PRDM1: variants seen among roughly 807,000 people sequenced by gnomAD.
PRDM1 encodes the protein PR domain zinc finger protein 1.
PRDM1 carries 13 observed loss-of-function variants against 62.8 expected under a neutral mutation model. The observed-to-expected ratio is 0.21, with a 90% confidence interval of 0.13 to 0.33. The LOEUF (loss-of-function observed/expected upper bound fraction) is 0.33, where lower values mean the gene tolerates loss of function less well. Among genes scored for constraint, PRDM1 ranks in the 10% least tolerant of loss-of-function variants. PRDM1 has a pLI of 1.00. For synonymous variants in PRDM1, 396 were observed against 417.6 expected (o/e 0.95, Z 0.63); for missense variants, 895 against 1,058.8 (o/e 0.85, Z 2.15).
intron 1 of PRDM1, among the ~76,000 whole-genome samples, chr6:105,995,098 T>C (rs181651428): frequency 3.3e-5 from 5 of 152,336 alleles, no homozygotes; most frequent in Admixed American, 2.6e-4. Flanking sequence ...TGCGAGCTTT[T>C]GGCCAGCCTC....
intron 1 of PRDM1, among the ~76,000 whole-genome samples, chr6:106,033,036 G>A (rs1273703610): frequency 6.6e-6 from 1 of 150,644 alleles, no homozygotes; most frequent in Non-Finnish European, 1.5e-5. Flanking sequence ...TAGAGACATA[G>A]AAATAATGGG....
intron 1 of PRDM1, among the ~76,000 whole-genome samples, chr6:106,021,116 C>T (rs1167530959): frequency 1.3e-5 from 2 of 152,262 alleles, no homozygotes; most frequent in Admixed American, 1.3e-4. Context: ...TTAAGAAAAA[C>T]ACAAGTGTGT....
At chr6:106,103,180 G>A (rs1199559628) in intron 4 of PRDM1, among the ~76,000 whole-genome samples, 1 of 152,042 alleles carries the variant, frequency 6.6e-6, no homozygotes. Context: ...GTTTATTCTG[G>A]GGCTTCAGGC....
Position 106,009,867 on chromosome 6 carries a change from G to A in PRDM1, c.-67+16228G>A, listed in dbSNP as rs146545311. Among the ~76,000 whole-genome samples the A allele has an allele frequency of 4.8e-3, 726 of 152,188 alleles. 4 individuals are homozygous for A. Among genetic ancestry groups the A allele is most frequent in the Non-Finnish European group, 4.8e-3 (326 of 68,010 alleles). On this transcript the variant is annotated intron_variant, in intron 1 of 6. Transcript: ENST00000652320. Reference sequence around the variant, plus strand: ...TGAGTAGCTGGGATTATAGGCATGCGCCACCACGCCCGGCTAGTTTTTGTG... The same window carrying A: ...TGAGTAGCTGGGATTATAGGCATGCACCACCACGCCCGGCTAGTTTTTGTG...
At chr6:106,086,228 G>A (rs1003620715), upstream of PRDM1, 5 of 373,300 alleles carry the variant, frequency 1.3e-5, no homozygotes, top group African/African-American at 2.1e-5. Flanking sequence ...CAATCTGGGG[G>A]AAAGCCCTGG....
rs1027424040 is a variant in PRDM1 at position 106,086,439 on chromosome 6, C to G, written c.-115C>G. ...CGCCCGGAGCTGGGACGCGGGCGCC[C>G]GGGCGGCCGGACGAAGCGAGGAGGG... On this transcript the variant is annotated 5_prime_UTR_variant, in exon 1 of 7. Coordinates refer to ENST00000369096, the MANE Select transcript of PRDM1 (RefSeq NM_001198.4). 1.4e-5 allele frequency: 14 copies of G among 1,020,714 alleles called. No homozygotes were observed. Among genetic ancestry groups the G allele is most frequent in the Admixed American group, 2.7e-5 (1 of 36,656 alleles). The allele number at this position is 1,020,714 out of a possible 1,614,324, so 63.2% of individuals were successfully genotyped here. A position where few individuals can be genotyped will look rare whatever the true frequency, so the allele number is the denominator to read the frequency against.
In PRDM1 at chr6:106,106,899, C is replaced by A; in HGVS notation, c.1903-12C>A. 1 of 1,607,010 alleles carries A rather than the reference C, an allele frequency of 6.2e-7. No individual in the cohort carries two copies. Among genetic ancestry groups the A allele is most frequent in the Non-Finnish European group, 8.5e-7 (1 of 1,175,368 alleles). On this transcript the variant is annotated splice_polypyrimidine_tract_variant and intron_variant, in intron 6 of 6. Transcript: ENST00000369096. The surrounding 1 kb of genome is among the most constrained non-coding windows in gnomAD (Gnocchi z 4.4). Reference sequence around the variant, plus strand: ...TCTCCCTTCCCTGCTGTCTCTCTCCCCTACACTGTAGGTCTGCCACAAGAG... The same window carrying A: ...TCTCCCTTCCCTGCTGTCTCTCTCCACTACACTGTAGGTCTGCCACAAGAG...
chr6:106,042,007 T>C (rs1179848827), intron 1 of PRDM1, among the ~76,000 whole-genome samples: 2 of 151,074 alleles, frequency 1.3e-5, no homozygotes, highest in African/African-American at 4.8e-5. Context: ...GGGGTTTCAC[T>C]ATATTTCCCA....
At chr6:106,064,736 C>T (rs1334070500) in intron 1 of PRDM1, among the ~76,000 whole-genome samples, 1 of 152,114 alleles carries the variant, frequency 6.6e-6, no homozygotes, top group Non-Finnish European at 1.5e-5. Context: ...CTTACAGATG[C>T]TGAATTAAAG....
At chr6:106,001,189 G>A (rs905813870) in intron 1 of PRDM1, among the ~76,000 whole-genome samples, 1 of 152,146 alleles carries the variant, frequency 6.6e-6, no homozygotes, top group Non-Finnish European at 1.5e-5. Context: ...GCTGTGAATT[G>A]CTTGTTCTTA....
chr6:106,021,697 C>T (rs562122364), intron 1 of PRDM1, among the ~76,000 whole-genome samples: 9 of 152,254 alleles, frequency 5.9e-5, no homozygotes, highest in African/African-American at 1.9e-4. Flanking sequence ...CTTAGCTCAC[C>T]GCAACCTCTG....
At position 106,105,913 on chromosome 6, in the gene PRDM1, G is replaced by A. The variant is rs1281186824; in HGVS notation, c.1753G>A (p.Gly585Ser). 6 of 1,613,050 alleles carry A rather than the reference G, an allele frequency of 3.7e-6. No individual in the cohort carries two copies. In the African/African-American group the frequency reaches 5.3e-5, roughly 14 times the overall value. ...ATGCAACGTTTGCGCCAAGACTTTC[G>A]GCCAGCTCTCCAATCTGAAGGTAGG... ...YECNVCAKTF[G>S]QLSNLKVHLR... The change falls in exon 5 of 7, where the codon GGC becomes AGC. Residue 585 changes from glycine (G) to serine (S), a missense_variant. By Grantham distance (56) the Gly-to-Ser change is moderately conservative. Around this residue, in one of 4 missense-constraint regions of PRDM1, gnomAD observed 74 missense variants for 172.4 expected, o/e 0.43. Coordinates refer to ENST00000369096, the MANE Select transcript of PRDM1 (RefSeq NM_001198.4).
chr6:106,015,629 C>T (rs942295238), intron 1 of PRDM1, among the ~76,000 whole-genome samples: 5 of 150,404 alleles, frequency 3.3e-5, no homozygotes, highest in African/African-American at 4.9e-5. Context: ...GAGACAGGAC[C>T]GAGGGTGGGA....
chr6:106,095,928 T>G (rs1774103356), intron 3 of PRDM1, 194 bp downstream of exon 3: 5 of 600,368 alleles, frequency 8.3e-6, no homozygotes, highest in Non-Finnish European at 1.4e-5. Flanking sequence ...TGTAGGTGGT[T>G]AGTGATGGAG....
chr6:106,105,949 G>T lies in PRDM1; in HGVS notation c.1773+16G>T. On this transcript the variant is annotated intron_variant, in intron 5 of 6. Coordinates refer to ENST00000369096, the MANE Select transcript of PRDM1 (RefSeq NM_001198.4). ...CAATCTGAAGGTAGGCCTTGAGAGA[G>T]AGCAGTCCAAGGGGCTGTGAGTGCA... 1 of 1,606,572 alleles carries T rather than the reference G, an allele frequency of 6.2e-7. No homozygotes were observed. The highest frequency in any genetic ancestry group is 8.5e-7 in the Non-Finnish European group (1 of 1,175,974).
chr6:106,006,895 A>G (rs1323655650), intron 1 of PRDM1, among the ~76,000 whole-genome samples: 2 of 151,918 alleles, frequency 1.3e-5, no homozygotes, highest in Non-Finnish European at 2.9e-5. Flanking sequence ...GGTCTCTTCA[A>G]ACTCTCTGCT....
intron 1 of PRDM1, among the ~76,000 whole-genome samples, chr6:106,053,581 G>T (rs538227479): frequency 1.3e-5 from 2 of 151,614 alleles, no homozygotes; most frequent in African/African-American, 2.4e-5. Context: ...CATAAGTATT[G>T]TATTGTATCC....
intron 1 of PRDM1, among the ~76,000 whole-genome samples, chr6:106,051,318 T>G (rs9399966): frequency 0.9 from 136,982 of 152,328 alleles, 61,675 homozygotes; most frequent in South Asian, 0.94. Context: ...GTGGGCTAGG[T>G]CTTCTGCCCC....
intron 1 of PRDM1, among the ~76,000 whole-genome samples, chr6:106,057,194 G>T (rs1400228794): frequency 6.6e-6 from 1 of 152,208 alleles, no homozygotes; most frequent in South Asian, 2.1e-4. Context: ...CATTATAAGT[G>T]TGAGAAATTG....
Sources: allele counts gnomAD v4.1 joint callset (sites outside exome capture counted in the v4.1 genomes callset), GRCh38; gene constraint gnomAD v4.1.1; regional missense constraint gnomAD v4.1.1; non-coding constraint Gnocchi (gnomAD v3.1); transcripts MANE v1.5; gene names NCBI Gene and HGNC (gene_info 2026-07-23, HGNC 2026-07-21).